The following TBC1D5 variants were observed in gnomAD, a reference collection of about 807,000 sequenced individuals.
The protein encoded by TBC1D5 is TBC1 domain family, member 5.
TBC1D5 carries 75 observed loss-of-function variants against 100.3 expected under a neutral mutation model. The ratio of observed to expected loss-of-function variants is 0.75; its 90% CI spans 0.62 to 0.91. The LOEUF (loss-of-function observed/expected upper bound fraction) is 0.91, where lower values mean the gene tolerates loss of function less well. Ranked by LOEUF, TBC1D5 falls within the 40% of genes least tolerant of loss-of-function variation. TBC1D5 has a pLI of 0.00. For missense variants in TBC1D5, 910 were observed against 942.4 expected (o/e 0.97, Z 0.45); for synonymous variants, 323 against 325.6 (o/e 0.99, Z 0.09).
At chr3:17,177,115 T>A (rs1254593194) in intron 19 of TBC1D5, among the ~76,000 whole-genome samples, 10 of 152,088 alleles carry the variant, frequency 6.6e-5, no homozygotes, top group South Asian at 2.1e-4. Flanking sequence ...TAAATTTTTT[T>A]AAAAAAAGAA....
intron 18 of TBC1D5, among the ~76,000 whole-genome samples, chr3:17,198,663 C>A: frequency 6.6e-6 from 1 of 152,152 alleles, no homozygotes; most frequent in Admixed American, 6.5e-5. Flanking sequence ...AGAACTATTA[C>A]AACTGTCTTG....
intron 1 of TBC1D5, among the ~76,000 whole-genome samples, chr3:17,675,711 T>C (rs1386261894): frequency 2.6e-5 from 4 of 152,162 alleles, no homozygotes; most frequent in Non-Finnish European, 4.4e-5. Flanking sequence ...CAGGTAATTA[T>C]GATGGTGAAA....
At chr3:17,291,082 T>TC (rs2081685334) in intron 15 of TBC1D5, among the ~76,000 whole-genome samples, 1 of 152,216 alleles carries the variant, frequency 6.6e-6, no homozygotes, top group Non-Finnish European at 1.5e-5. Flanking sequence ...CAGAGACAGT[T>TC]CGACAACTGC....
At position 17,651,262 on chromosome 3, in the gene TBC1D5, A is replaced by G. The variant is rs1461567073; in HGVS notation, c.-100-27349T>C. ...CACATTTCCAGCTTTATGGAAAAAT[A>G]AGAAAAATCAGTTTCCAAGAAGAGA... On this transcript the variant is annotated intron_variant, in intron 1 of 21. Transcript: ENST00000253692. Among the ~76,000 whole-genome samples, 5 of 152,344 alleles carry G rather than the reference A, an allele frequency of 3.3e-5. No individual in the cohort carries two copies. In the South Asian group the frequency reaches 1.0e-3, roughly 32 times the overall value.
At chr3:17,488,350 G>A (rs2095596592) in intron 3 of TBC1D5, among the ~76,000 whole-genome samples, 1 of 152,082 alleles carries the variant, frequency 6.6e-6, no homozygotes, top group Admixed American at 6.6e-5. Flanking sequence ...TTGCATACAT[G>A]TACCAGAGTT....
chr3:17,673,584 G>A (rs1267225288), intron 1 of TBC1D5, among the ~76,000 whole-genome samples: 1 of 151,594 alleles, frequency 6.6e-6, no homozygotes. Context: ...CAAAGTGCTT[G>A]GATTACAAGC....
chr3:17,438,608 A>G (rs73161446), intron 3 of TBC1D5, among the ~76,000 whole-genome samples: 13,876 of 152,240 alleles, frequency 0.091, 1,436 homozygotes, highest in African/African-American at 0.26. Flanking sequence ...CTCCCAAGCC[A>G]TGCAGAACAG....
At chr3:17,365,218 C>G (rs2092029249) in intron 13 of TBC1D5, among the ~76,000 whole-genome samples, 1 of 151,962 alleles carries the variant, frequency 6.6e-6, no homozygotes, top group Non-Finnish European at 1.5e-5. Context: ...ACTTGTTTTC[C>G]TCTTGCTTGA....
chr3:17,675,480 G>C (rs907352387), intron 1 of TBC1D5, among the ~76,000 whole-genome samples: 1 of 152,056 alleles, frequency 6.6e-6, no homozygotes, highest in Non-Finnish European at 1.5e-5. Context: ...GAAAAGATAC[G>C]TTCCTAAAGT....
intron 3 of TBC1D5, among the ~76,000 whole-genome samples, chr3:17,502,445 A>G (rs1357460074): frequency 6.7e-6 from 1 of 149,086 alleles, no homozygotes; most frequent in Non-Finnish European, 1.5e-5. Flanking sequence ...TCTTTTTTTA[A>G]GTCTCCTCTG....
intron 19 of TBC1D5, among the ~76,000 whole-genome samples, chr3:17,182,650 A>T (rs2068577263): frequency 6.6e-6 from 1 of 152,214 alleles, no homozygotes; most frequent in Admixed American, 6.5e-5. Flanking sequence ...AAGGTCATCC[A>T]AGTAGCCAGA....
chr3:17,674,805 G>A (rs911317041), intron 1 of TBC1D5, among the ~76,000 whole-genome samples: 1 of 152,020 alleles, frequency 6.6e-6, no homozygotes, highest in African/African-American at 2.4e-5. Flanking sequence ...GATAGAGATG[G>A]TCTAAGTGGT....
At chr3:17,167,727 A>G in intron 20 of TBC1D5, 22 bp downstream of exon 21, 1 of 1,608,388 alleles carries the variant, frequency 6.2e-7, no homozygotes. Flanking sequence ...ACAAAGAAAT[A>G]GTGTCAGAGC....
At chr3:17,332,637 G>A (rs1020682131) in intron 13 of TBC1D5, among the ~76,000 whole-genome samples, 2 of 151,892 alleles carry the variant, frequency 1.3e-5, no homozygotes, top group African/African-American at 4.8e-5. Flanking sequence ...AATTAATAAA[G>A]GAGATTGAGA....
chr3:17,355,667 A>C (rs1252258460), intron 13 of TBC1D5, among the ~76,000 whole-genome samples: 1 of 152,078 alleles, frequency 6.6e-6, no homozygotes, highest in African/African-American at 2.4e-5. Flanking sequence ...AATATACCAA[A>C]ATTTATACAT....
At chr3:17,181,075 G>A (rs942387605) in intron 19 of TBC1D5, among the ~76,000 whole-genome samples, 3 of 152,162 alleles carry the variant, frequency 2.0e-5, no homozygotes, top group Non-Finnish European at 4.4e-5. Flanking sequence ...TCAGTAGCCT[G>A]TACCCCAGTG....
chr3:17,171,004 TAC>T (rs1266265575), intron 19 of TBC1D5, among the ~76,000 whole-genome samples: 2 of 152,200 alleles, frequency 1.3e-5, no homozygotes, highest in African/African-American at 2.4e-5. Context: ...ATCATCCCAA[TAC>T]AGTGTCTATA....
At chr3:17,286,031 A>C (rs2081152553) in intron 15 of TBC1D5, among the ~76,000 whole-genome samples, 1 of 152,176 alleles carries the variant, frequency 6.6e-6, no homozygotes, top group African/African-American at 2.4e-5. Context: ...ATTTTTTCCC[A>C]AATATTCTAG....
intron 8 of TBC1D5, among the ~76,000 whole-genome samples, chr3:17,392,282 G>A (rs879679518): frequency 3.3e-5 from 5 of 151,962 alleles, no homozygotes; most frequent in Admixed American, 1.3e-4. Context: ...GTTACTGGTT[G>A]TAATATTGGT....
Sources: allele counts gnomAD v4.1 joint callset (sites outside exome capture counted in the v4.1 genomes callset), GRCh38; gene constraint gnomAD v4.1.1; transcripts MANE v1.5; gene names NCBI Gene and HGNC (gene_info 2026-07-23, HGNC 2026-07-21).